Variants in CHD1L observed in about 807,000 individuals in gnomAD.
CHD1L encodes the protein ATP-dependent chromatin remodeler CHD1L.
Under a neutral mutation model 115.9 loss-of-function variants are expected in CHD1L, and 118 were observed. The observed-to-expected ratio is 1.02, with a 90% CI of 0.88 to 1.19. The LOEUF is 1.19. Among genes scored for constraint, CHD1L ranks in the 50% most tolerant of loss-of-function variants. The probability of loss-of-function intolerance (pLI) is 0.00; values close to 1 mark genes in which losing one functional copy is unlikely to be tolerated. For synonymous variants in CHD1L, 411 were observed against 387.1 expected (o/e 1.06, Z -0.72); for missense variants, 1,179 against 1,065.3 (o/e 1.11, Z -1.49).
the CHD1L span, among the ~76,000 whole-genome samples, chr1:147,235,692 A>G: frequency 2.0e-5 from 3 of 152,212 alleles, no homozygotes; most frequent in Non-Finnish European, 2.9e-5. Context: ...ATTCTTGTCA[A>G]TCAGAGGAAG....
At chr1:147,277,156 A>C (rs1486725572) in intron 14 of CHD1L, among the ~76,000 whole-genome samples, 1 of 152,154 alleles carries the variant, frequency 6.6e-6, no homozygotes, top group Non-Finnish European at 1.5e-5. Flanking sequence ...AGATAAAGAG[A>C]ATTTAGGCTT....
chr1:147,277,341 CAG>C (rs1678901174), intron 14 of CHD1L, among the ~76,000 whole-genome samples: 1 of 152,142 alleles, frequency 6.6e-6, no homozygotes, highest in Non-Finnish European at 1.5e-5. Flanking sequence ...ATATTAGAAG[CAG>C]AGTTACTAAG....
At chr1:147,276,798 CTTAGAG>C (rs1366160416) in intron 14 of CHD1L, among the ~76,000 whole-genome samples, 2 of 152,136 alleles carry the variant, frequency 1.3e-5, no homozygotes, top group African/African-American at 4.8e-5. Context: ...TGGAAGAGGA[CTTAGAG>C]TTACTCTGTA....
the CHD1L span, among the ~76,000 whole-genome samples, chr1:147,221,176 C>T: frequency 6.6e-6 from 1 of 152,054 alleles, no homozygotes; most frequent in Non-Finnish European, 1.5e-5. Flanking sequence ...CAAAAAGAGC[C>T]TAAGGAGATA....
chr1:147,234,595 T>TA, the CHD1L span, among the ~76,000 whole-genome samples: 1 of 152,248 alleles, frequency 6.6e-6, no homozygotes, highest in African/African-American at 2.4e-5. Context: ...GCATTAATTG[T>TA]AAAAAATTAT....
At chr1:147,288,229 G>A (rs587640266) in intron 19 of CHD1L, among the ~76,000 whole-genome samples, 1 of 150,158 alleles carries the variant, frequency 6.7e-6, no homozygotes, top group Non-Finnish European at 1.5e-5. Context: ...GGAGGCTGAG[G>A]TGGGAGGATC....
chr1:147,200,723 A>C, the CHD1L span, among the ~76,000 whole-genome samples: 5,615 of 152,296 alleles, frequency 0.037, 148 homozygotes, highest in South Asian at 0.095. Context: ...CGGCCGAAAT[A>C]AAGTCATACT....
upstream of CHD1L, among the ~76,000 whole-genome samples, chr1:147,240,557 G>A (rs1448795487): frequency 6.6e-6 from 1 of 152,026 alleles, no homozygotes; most frequent in African/African-American, 2.4e-5. Flanking sequence ...AGAAAGGAAG[G>A]CCTCTTTGCA....
intron 1 of CHD1L, among the ~76,000 whole-genome samples, chr1:147,249,804 G>C (rs1318568130): frequency 2.6e-5 from 4 of 152,070 alleles, no homozygotes; most frequent in African/African-American, 9.7e-5. Context: ...TACTTTTTCA[G>C]CCCTATCCTC....
chr1:147,289,036 A>G lies in CHD1L; in HGVS notation c.2320+1303A>G, dbSNP rs911012004. Among the ~76,000 whole-genome samples the G allele has an allele frequency of 6.6e-5, 10 of 152,162 alleles. No homozygotes were observed. The South Asian group carries it at 8.3e-4, about 13-fold the overall frequency. Reference sequence around the variant, plus strand: ...TTTTCCTAATTCTGCCCAGTTCTCTATGGTGGAAAGGGATATAAGAACTTA... The same window carrying G: ...TTTTCCTAATTCTGCCCAGTTCTCTGTGGTGGAAAGGGATATAAGAACTTA... On this transcript the variant is annotated intron_variant, in intron 19 of 22. Coordinates refer to ENST00000369258, the MANE Select transcript of CHD1L (RefSeq NM_004284.6).
At chr1:147,207,302 C>T in the CHD1L span, among the ~76,000 whole-genome samples, 1 of 152,140 alleles carries the variant, frequency 6.6e-6, no homozygotes, top group Admixed American at 6.6e-5. Context: ...GCAAATATAG[C>T]AAACTTAACA....
At chr1:147,182,927 T>C in the CHD1L span, among the ~76,000 whole-genome samples, 92,794 of 152,100 alleles carry the variant, frequency 0.61, 30,597 homozygotes, top group East Asian at 0.88. Flanking sequence ...AGGCCGGGCG[T>C]GGTGGCTCAC....
At chr1:147,220,008 T>G in the CHD1L span, among the ~76,000 whole-genome samples, 1 of 152,004 alleles carries the variant, frequency 6.6e-6, no homozygotes, top group African/African-American at 2.4e-5. Context: ...CCAGCTAATT[T>G]TTTGTATTTT....
the CHD1L span, among the ~76,000 whole-genome samples, chr1:147,228,090 T>G: frequency 5.3e-5 from 8 of 151,908 alleles, no homozygotes; most frequent in Non-Finnish European, 1.2e-4. Flanking sequence ...ACATGTGCCA[T>G]GTTGGTGTGC....
In CHD1L at chr1:147,287,717, G is replaced by C. The variant is rs1318405356; in HGVS notation, c.2304G>C (p.Leu768=). The C allele has an allele frequency of 6.2e-7, 1 of 1,613,908 alleles. No homozygotes were observed. The highest frequency in any genetic ancestry group is 8.5e-7 in the Non-Finnish European group (1 of 1,179,974). The change falls in exon 19 of 23, where the codon CTG becomes CTC. Residue 768 remains leucine, a synonymous_variant. Transcript: ENST00000369258. ...CTGAGCCAAGAAAAATATATGAGCTGGCTGGGAAAATGAAAGGTAAGAAGC... is the reference window on the plus strand; with the variant it reads ...CTGAGCCAAGAAAAATATATGAGCTCGCTGGGAAAATGAAAGGTAAGAAGC... ...RSAEPRKIYE[L]AGKMKDLSLG...
intron 15 of CHD1L, among the ~76,000 whole-genome samples, chr1:147,282,709 G>C (rs1681401810): frequency 6.6e-6 from 1 of 152,136 alleles, no homozygotes; most frequent in African/African-American, 2.4e-5. Context: ...ACTCAGTTCT[G>C]TACTGATCTA....
At chr1:147,239,087 A>T (rs1394748932), upstream of CHD1L, among the ~76,000 whole-genome samples, 2 of 152,182 alleles carry the variant, frequency 1.3e-5, no homozygotes, top group African/African-American at 4.8e-5. Context: ...ATCAGTTTGT[A>T]AGAGTCTTAA....
At chr1:147,194,797 G>C in the CHD1L span, among the ~76,000 whole-genome samples, 1 of 151,908 alleles carries the variant, frequency 6.6e-6, no homozygotes, top group Non-Finnish European at 1.5e-5. Context: ...GAAATTCTGG[G>C]TTGAAAATTC....
chr1:147,207,164 T>A, the CHD1L span, among the ~76,000 whole-genome samples: 9 of 152,286 alleles, frequency 5.9e-5, no homozygotes, highest in Non-Finnish European at 1.3e-4. Context: ...CTTTTTCTTA[T>A]ACAATATACA....
Sources: allele counts gnomAD v4.1 joint callset (sites outside exome capture counted in the v4.1 genomes callset), GRCh38; gene constraint gnomAD v4.1.1; transcripts MANE v1.5; gene names NCBI Gene and HGNC (gene_info 2026-07-23, HGNC 2026-07-21).